Variants in TMEM230 observed in about 807,000 individuals in gnomAD.
The protein encoded by TMEM230 is UPF0414 transmembrane protein C20orf30.
Under a neutral mutation model 15.8 loss-of-function variants are expected in TMEM230, and 10 were observed. The ratio of observed to expected loss-of-function variants is 0.63; its 90% confidence interval spans 0.39 to 1.07. The LOEUF is 1.07. Ranked by LOEUF, TMEM230 falls within the 50% of genes least tolerant of loss-of-function variation. The pLI is 0.01. For synonymous variants in TMEM230, 67 were observed against 76.9 expected, an observed-to-expected ratio of 0.87 and a Z score of 0.68; for missense variants, 165 against 193.3, an observed-to-expected ratio of 0.85 and a Z score of 0.87.
chr20:5,109,843 C>T (rs2090242648), intron 2 of TMEM230, among the ~76,000 whole-genome samples: 1 of 152,148 alleles, frequency 6.6e-6, no homozygotes, highest in Admixed American at 6.5e-5. Flanking sequence ...GACACCACAG[C>T]ATTGCCTGTC....
intron 3 of TMEM230, among the ~76,000 whole-genome samples, chr20:5,094,425 T>C (rs2089604220): frequency 6.6e-6 from 1 of 151,494 alleles, no homozygotes; most frequent in Non-Finnish European, 1.5e-5. Flanking sequence ...AAAAAAATTT[T>C]TGGCCAGGCA....
At chr20:5,070,859 T>G in intron 3 of TMEM230, among the ~76,000 whole-genome samples, 1 of 152,180 alleles carries the variant, frequency 6.6e-6, no homozygotes, top group Non-Finnish European at 1.5e-5. Context: ...CTTGACCTGT[T>G]GCACTCAAGC....
intron 3 of TMEM230, among the ~76,000 whole-genome samples, chr20:5,072,710 G>A (rs767423385): frequency 3.3e-5 from 5 of 151,742 alleles, no homozygotes; most frequent in Admixed American, 1.3e-4. Flanking sequence ...TTAGACTTGC[G>A]TGATGGCCGG....
downstream of TMEM230, among the ~76,000 whole-genome samples, chr20:5,099,294 C>A (rs2089764109): frequency 6.6e-6 from 1 of 152,042 alleles, no homozygotes; most frequent in African/African-American, 2.4e-5. Context: ...ACCTTCTGAT[C>A]TGAGCTTTGC....
chr20:5,086,230 T>TAAA (rs570691228), intron 3 of TMEM230, among the ~76,000 whole-genome samples: 3 of 123,026 alleles, frequency 2.4e-5, no homozygotes, highest in African/African-American at 9.6e-5. Context: ...TCATTTCTAT[T>TAAA]AAAAAAAAAA....
At chr20:5,107,829 A>AAG (rs1256569479) in intron 3 of TMEM230, among the ~76,000 whole-genome samples, 11 of 143,200 alleles carry the variant, frequency 7.7e-5, no homozygotes, top group African/African-American at 2.3e-4. Context: ...AAAAAAAAAA[A>AAG]GGCTGGGCGC....
At chr20:5,097,552 C>A (rs1273004266), downstream of TMEM230, among the ~76,000 whole-genome samples, 2 of 152,314 alleles carry the variant, frequency 1.3e-5, no homozygotes, top group African/African-American at 4.8e-5. Flanking sequence ...ACCCACCTCC[C>A]CCATTTCTTC....
downstream of TMEM230, among the ~76,000 whole-genome samples, chr20:5,063,277 ATTT>A (rs1165126313): frequency 4.2e-4 from 36 of 86,406 alleles, 1 homozygote; most frequent in East Asian, 7.4e-3. Context: ...GCTGCTATGA[ATTT>A]TTTTTTTTTT....
chr20:5,079,186 G>T (rs866200179), intron 3 of TMEM230, among the ~76,000 whole-genome samples: 1 of 151,946 alleles, frequency 6.6e-6, no homozygotes, highest in Non-Finnish European at 1.5e-5. Flanking sequence ...ACAGGGTCTT[G>T]CCATGTTGCC....
chr20:5,096,754 T>G (rs2089676073), downstream of TMEM230, among the ~76,000 whole-genome samples: 1 of 152,158 alleles, frequency 6.6e-6, no homozygotes, highest in South Asian at 2.1e-4. Context: ...TAAATGTAGG[T>G]AGGTACTTGC....
chr20:5,101,460 T>C (rs900838480), intron 4 of TMEM230, among the ~76,000 whole-genome samples: 3 of 152,134 alleles, frequency 2.0e-5, no homozygotes, highest in Non-Finnish European at 4.4e-5. Flanking sequence ...CTTGCTCTGT[T>C]GCTCGGGCTG....
intron 1 of TMEM230, chr20:5,112,711 A>G (rs1224187530): frequency 7.0e-7 from 1 of 1,426,836 alleles, no homozygotes; most frequent in African/African-American, 1.4e-5. Flanking sequence ...AGTGCCTGGC[A>G]TTACGCGCCT....
At chr20:5,087,379 CT>C (rs1164941128) in intron 3 of TMEM230, among the ~76,000 whole-genome samples, 1 of 151,948 alleles carries the variant, frequency 6.6e-6, no homozygotes, top group Non-Finnish European at 1.5e-5. Flanking sequence ...ATTGCTAGGT[CT>C]TTGCCAGGCT....
chr20:5,103,449 T>G (rs778537650), intron 4 of TMEM230, among the ~76,000 whole-genome samples: 31 of 151,700 alleles, frequency 2.0e-4, no homozygotes, highest in Non-Finnish European at 5.9e-5. Flanking sequence ...TGCTTGAGTC[T>G]AGGAGTTCGA....
chr20:5,076,538 C>CA (rs1259700827), intron 3 of TMEM230, among the ~76,000 whole-genome samples: 4 of 151,540 alleles, frequency 2.6e-5, no homozygotes, highest in Non-Finnish European at 4.4e-5. Flanking sequence ...GACTCTATCT[C>CA]AAAAAAATAA....
the TMEM230 span, among the ~76,000 whole-genome samples, chr20:5,059,763 A>ATTTTTT: frequency 1.6e-5 from 1 of 61,266 alleles, no homozygotes; most frequent in African/African-American, 7.1e-5. Context: ...CTTCCAGCTA[A>ATTTTTT]TTTTTTTTTT....
At chr20:5,109,631 C>T (rs2090235430) in intron 2 of TMEM230, among the ~76,000 whole-genome samples, 186 bp from the exon 2 acceptor site, 1 of 152,092 alleles carries the variant, frequency 6.6e-6, no homozygotes, top group Non-Finnish European at 1.5e-5. Flanking sequence ...TATGGAAAAC[C>T]AGATATGCCT....
intron 3 of TMEM230, among the ~76,000 whole-genome samples, chr20:5,083,392 A>C (rs1036968317): frequency 2.0e-5 from 3 of 151,426 alleles, no homozygotes; most frequent in South Asian, 2.1e-4. Context: ...CTGAGAGGAA[A>C]GACCCAGCTA....
downstream of TMEM230, among the ~76,000 whole-genome samples, chr20:5,097,683 T>G (rs1321526244): frequency 3.9e-5 from 6 of 152,148 alleles, no homozygotes; most frequent in Non-Finnish European, 7.4e-5. Context: ...TGTCACCATC[T>G]GGAGTGCAGT....
Sources: allele counts gnomAD v4.1 joint callset (sites outside exome capture counted in the v4.1 genomes callset), GRCh38; gene constraint gnomAD v4.1.1; transcripts MANE v1.5; gene names NCBI Gene and HGNC (gene_info 2026-07-23, HGNC 2026-07-21).